The following SRGAP1 variants were observed in gnomAD, a reference collection of about 807,000 sequenced individuals.
The protein encoded by SRGAP1 is SLIT-ROBO Rho GTPase activating protein 1.
SRGAP1 carries 43 observed loss-of-function variants against 121.9 expected under a neutral mutation model. The observed-to-expected ratio is 0.35, with a 90% CI of 0.28 to 0.46. The LOEUF (loss-of-function observed/expected upper bound fraction) is 0.46, where lower values mean the gene tolerates loss of function less well. Among genes scored for constraint, SRGAP1 ranks in the 20% least tolerant of loss-of-function variants. The pLI, the probability that SRGAP1 is intolerant of heterozygous loss-of-function variation, is 1.00. For synonymous variants in SRGAP1, 447 were observed against 485.4 expected (o/e 0.92, Z 1.04); for missense variants, 1,102 against 1,350.9 (o/e 0.82, Z 2.89).
intron 1 of SRGAP1, among the ~76,000 whole-genome samples, chr12:63,916,804 GT>G (rs2136322605): frequency 6.6e-6 from 1 of 152,282 alleles, no homozygotes; most frequent in South Asian, 2.1e-4. Context: ...TTAATGAGAA[GT>G]AGTTAGGGTG....
In SRGAP1 at chr12:64,142,943, A is replaced by G. The variant is rs573125891; in HGVS notation, c.*271A>G. On this transcript the variant is annotated 3_prime_UTR_variant, in exon 22 of 22. Coordinates refer to ENST00000355086, the MANE Select transcript of SRGAP1 (RefSeq NM_020762.4). ...AAAATCCAATGCTGCACCACTTGTA[A>G]TGAAGGCAACACCGCTCTCCACATT... 2.3e-6 allele frequency: 1 copy of G among 429,952 alleles called. No homozygotes were observed. The highest frequency in any genetic ancestry group is 2.0e-5 in the African/African-American group (1 of 50,496). The allele number at this position is 429,952 out of a possible 1,614,324, so 26.6% of individuals were successfully genotyped here.
At chr12:64,133,934 A>G (rs536154878) in intron 21 of SRGAP1, among the ~76,000 whole-genome samples, 12 of 152,180 alleles carry the variant, frequency 7.9e-5, no homozygotes, top group South Asian at 6.2e-4. Context: ...TCTGCTGTGC[A>G]TTACTGTAGC....
At chr12:63,925,185 A>G (rs61933131) in intron 1 of SRGAP1, among the ~76,000 whole-genome samples, 4,619 of 152,302 alleles carry the variant, frequency 0.03, 109 homozygotes, top group Middle Eastern at 0.068. Flanking sequence ...GCCTGAATTT[A>G]AAGTAGTACT....
chr12:63,848,286 A>G (rs1336535405), intron 1 of SRGAP1, among the ~76,000 whole-genome samples: 1 of 152,120 alleles, frequency 6.6e-6, no homozygotes, highest in Non-Finnish European at 1.5e-5. Context: ...TGCTGGGATT[A>G]CAGGCATGAG....
intron 1 of SRGAP1, among the ~76,000 whole-genome samples, chr12:63,907,220 A>G (rs2030256804): frequency 6.6e-6 from 1 of 152,134 alleles, no homozygotes; most frequent in Non-Finnish European, 1.5e-5. Context: ...TTGAAGAAAC[A>G]TATTCAAATT....
intron 3 of SRGAP1, among the ~76,000 whole-genome samples, chr12:64,007,436 G>C (rs1458821184): frequency 6.6e-6 from 1 of 152,124 alleles, no homozygotes; most frequent in Non-Finnish European, 1.5e-5. Flanking sequence ...TCGGACAGGG[G>C]GCAGAGCTCA....
chr12:64,036,647 A>C (rs1388397104), intron 4 of SRGAP1, among the ~76,000 whole-genome samples: 1 of 152,166 alleles, frequency 6.6e-6, no homozygotes, highest in East Asian at 1.9e-4. Context: ...CACTAACCAT[A>C]TTTCACAAAT....
intron 1 of SRGAP1, among the ~76,000 whole-genome samples, chr12:63,882,593 T>C (rs1259779821): frequency 1.3e-5 from 2 of 152,188 alleles, no homozygotes; most frequent in Non-Finnish European, 2.9e-5. Context: ...CCTATAATGT[T>C]TTTATAATTA....
intron 1 of SRGAP1, among the ~76,000 whole-genome samples, chr12:63,913,454 C>CATATATATATATAT (rs570506869): frequency 1.0e-4 from 13 of 124,090 alleles, no homozygotes; most frequent in Middle Eastern, 4.4e-3. Flanking sequence ...ACTGTGTCCA[C>CATATATATATATAT]ATATATATAT....
At chr12:64,032,840 C>T (rs547394151) in intron 4 of SRGAP1, among the ~76,000 whole-genome samples, 1 of 152,226 alleles carries the variant, frequency 6.6e-6, no homozygotes, top group African/African-American at 2.4e-5. Flanking sequence ...TAGCAATGTA[C>T]ATATTTTCAT....
intron 14 of SRGAP1, among the ~76,000 whole-genome samples, chr12:64,096,884 CA>C (rs1298070722): frequency 2.0e-5 from 3 of 152,136 alleles, no homozygotes; most frequent in Non-Finnish European, 4.4e-5. Flanking sequence ...GGGTAAGAAA[CA>C]CAGGATGTAG....
rs536907588 is a variant in SRGAP1 at position 63,909,375 on chromosome 12, C to T, written c.67+64492C>T. On this transcript the variant is annotated intron_variant, in intron 1 of 21. Transcript: ENST00000355086. ...CTATGCATCCTACTTGATCTCTTAC[C>T]ACATCCCTTGCTCTATCCCTTGACC... is the stretch of plus-strand genomic sequence containing the variant. 2.1e-3 allele frequency among the ~76,000 whole-genome samples: 317 copies of T among 152,336 alleles called. 2 individuals carry two copies. The highest frequency in any genetic ancestry group is 4.2e-3 in the African/African-American group (173 of 41,594).
chr12:64,039,536 G>A (rs1187864223), intron 4 of SRGAP1, among the ~76,000 whole-genome samples: 1 of 151,962 alleles, frequency 6.6e-6, no homozygotes, highest in Non-Finnish European at 1.5e-5. Flanking sequence ...GATACTCGGG[G>A]TGGCCTGAGG....
At chr12:63,939,325 A>G (rs1267986438) in intron 1 of SRGAP1, among the ~76,000 whole-genome samples, 1 of 152,100 alleles carries the variant, frequency 6.6e-6, no homozygotes, top group Admixed American at 6.6e-5. Context: ...CTCCCTCCTC[A>G]GCAAGTTCCA....
intron 1 of SRGAP1, among the ~76,000 whole-genome samples, chr12:63,932,188 G>A (rs552563129): frequency 6.6e-6 from 1 of 152,302 alleles, no homozygotes; most frequent in African/African-American, 2.4e-5. Flanking sequence ...GGGTGAGGCA[G>A]GAGAATGCCG....
intron 21 of SRGAP1, among the ~76,000 whole-genome samples, chr12:64,128,659 G>A (rs2036738077): frequency 6.6e-6 from 1 of 152,164 alleles, no homozygotes; most frequent in African/African-American, 2.4e-5. Flanking sequence ...CCCAGTGGAT[G>A]CCTGAAGCCA....
chr12:63,984,481 A>C (rs113367990), intron 2 of SRGAP1, among the ~76,000 whole-genome samples: 1 of 152,152 alleles, frequency 6.6e-6, no homozygotes, highest in Non-Finnish European at 1.5e-5. Flanking sequence ...GTTTTTGTTC[A>C]AGCAAAGACC....
In SRGAP1 at chr12:64,155,791, C is replaced by G. The variant is rs1411865137; in HGVS notation, c.*13119C>G. The G allele has an allele frequency of 6.6e-6, 1 of 151,904 alleles. No homozygotes were observed. The highest frequency in any genetic ancestry group is 1.5e-5 in the Non-Finnish European group (1 of 68,032). 9.4% of individuals were successfully genotyped at this position (151,904 alleles called of 1,614,324 possible). The stretch of plus-strand genomic sequence containing the variant: ...GGGACTACAAGTGCGCACAACCACA[C>G]CCAGCTAATTTTTTTGTATTTTTAG... On this transcript the variant is annotated 3_prime_UTR_variant, in exon 22 of 22. Coordinates refer to ENST00000355086, the MANE Select transcript of SRGAP1 (RefSeq NM_020762.4).
At chr12:63,974,791 T>A (rs2033049547) in intron 1 of SRGAP1, among the ~76,000 whole-genome samples, 1 of 152,174 alleles carries the variant, frequency 6.6e-6, no homozygotes, top group South Asian at 2.1e-4. Flanking sequence ...AAGTTACATT[T>A]GGTTCAGCCA....
Sources: gnomAD v4.1 joint callset for allele counts (sites outside exome capture counted in the v4.1 genomes callset) on GRCh38, gnomAD v4.1.1 for gene constraint, MANE v1.5 for transcripts, NCBI Gene and HGNC (gene_info 2026-07-23, HGNC 2026-07-21) for gene names.